Variants in DNAH3 observed in about 807,000 individuals in gnomAD.
DNAH3 encodes axonemal beta dynein heavy chain 3.
In DNAH3, 332 loss-of-function variants were observed where a neutral mutation model predicts 432.5. That is an observed-to-expected ratio of 0.77 (90% confidence interval 0.70 to 0.84). The LOEUF (loss-of-function observed/expected upper bound fraction) is 0.84. DNAH3 is among the 40% of genes least tolerant of loss of function. DNAH3 has a pLI of 0.00. For synonymous variants in DNAH3, 1,956 were observed against 1,900.2 expected (o/e 1.03, Z -0.76); for missense variants, 4,861 against 5,114.0 (o/e 0.95, Z 1.51).
At chr16:20,995,151 G>A (rs1463330370) in intron 44 of DNAH3, among the ~76,000 whole-genome samples, 3 of 152,248 alleles carry the variant, frequency 2.0e-5, no homozygotes, top group Non-Finnish European at 2.9e-5. Flanking sequence ...TCGCCAAGTT[G>A]CCCAGGCTGG....
chr16:21,146,229 C>T, intron 1 of DNAH3, 141 bp from the exon 3 acceptor site: 2 of 603,222 alleles, frequency 3.3e-6, no homozygotes, highest in East Asian at 2.8e-5. Context: ...CCTCTCATTC[C>T]CATCCATTAT....
chr16:20,984,161 ATGTG>A lies in DNAH3; in HGVS notation c.7665+912_7665+915del, dbSNP rs61445558. On this transcript the variant is annotated intron_variant, in intron 48 of 61. Transcript: ENST00000261383. ...GTTAGTAATTTTGGTCCTTATCCCA[ATGTG>A]TGTGTGTGTGTGTGTATATGTGTGC... Among the ~76,000 whole-genome samples, 381 of 150,716 alleles carry A rather than the reference ATGTG, an allele frequency of 2.5e-3. 2 individuals are homozygous for A. Among genetic ancestry groups the A allele is most frequent in the African/African-American group, 8.5e-3 (351 of 41,098 alleles).
chr16:21,073,529 TCTCA>T (rs71379606), intron 21 of DNAH3, among the ~76,000 whole-genome samples: 33,186 of 151,798 alleles, frequency 0.22, 3,820 homozygotes, highest in East Asian at 0.46. Context: ...TTCTGTTGGG[TCTCA>T]GAACATGATA....
intron 18 of DNAH3, among the ~76,000 whole-genome samples, chr16:21,094,935 C>T (rs1406044697): frequency 6.6e-6 from 1 of 152,172 alleles, no homozygotes; most frequent in Admixed American, 6.5e-5. Context: ...AGTGCCTTTG[C>T]TCCTCCTTCA....
chr16:21,084,850 G>C (rs992266455), intron 19 of DNAH3, among the ~76,000 whole-genome samples: 1 of 152,026 alleles, frequency 6.6e-6, no homozygotes, highest in Non-Finnish European at 1.5e-5. Context: ...TGGCTTTCCC[G>C]GCCCCGCGGC....
Position 21,019,913 on chromosome 16 carries a change from C to T in DNAH3, c.5777-44G>A, listed in dbSNP as rs2088071946. 9 of 1,601,560 alleles carry T rather than the reference C, an allele frequency of 5.6e-6. No individual in the cohort carries two copies. In the East Asian group the frequency reaches 2.0e-4, roughly 36 times the overall value. On this transcript the variant is annotated intron_variant, in intron 40 of 61. Transcript: ENST00000261383. ...AATCTCAGGACAGAGTGCAGAATGC[C>T]ACAGATGTAAGGGCTGTGAACTGGT...
chr16:20,948,668 G>T (rs1443757997), intron 56 of DNAH3, 31 bp from the exon 57 acceptor site: 1 of 1,612,728 alleles, frequency 6.2e-7, no homozygotes, highest in Non-Finnish European at 8.5e-7. Flanking sequence ...GAGAGGTTGA[G>T]CCCAGGGAAG....
intron 51 of DNAH3, among the ~76,000 whole-genome samples, chr16:20,972,739 A>ATTTTTTTTTTTTTTT (rs34245316): frequency 4.2e-5 from 4 of 95,978 alleles, no homozygotes; most frequent in African/African-American, 4.6e-5. Flanking sequence ...ATGCCCCGTG[A>ATTTTTTTTTTTTTTT]TTTTTTTTTT....
At chr16:21,158,980 A>G (rs2092926969) in intron 1 of DNAH3, among the ~76,000 whole-genome samples, 1 of 149,558 alleles carries the variant, frequency 6.7e-6, no homozygotes. Context: ...CCCTAAATGC[A>G]CACTCACCCC....
intron 16 of DNAH3, 21 bp downstream of exon 16, chr16:21,104,450 A>G (rs1166241088): frequency 6.2e-7 from 1 of 1,609,148 alleles, no homozygotes; most frequent in East Asian, 2.2e-5. Context: ...TTTCCAAGAC[A>G]ATCCCAGACT....
At chr16:21,036,486 C>A (rs2089175586) in intron 35 of DNAH3, among the ~76,000 whole-genome samples, 1 of 151,948 alleles carries the variant, frequency 6.6e-6, no homozygotes, top group Non-Finnish European at 1.5e-5. Flanking sequence ...ATGATCATAG[C>A]CCACTGCAGC....
chr16:21,122,103 G>C (rs778856969), exon 10 of DNAH3: 2 of 1,611,916 alleles, frequency 1.2e-6, no homozygotes, highest in South Asian at 1.1e-5. Flanking sequence ...TCTTGGTAGG[G>C]CTCCTTAAAA....
exon 56 of DNAH3, chr16:20,952,524 G>C (rs761281498): frequency 6.2e-7 from 1 of 1,612,006 alleles, no homozygotes; most frequent in Non-Finnish European, 8.5e-7. Context: ...GGTCAGATTC[G>C]TTGAATTCAT....
At chr16:21,045,759 G>T (rs1241533521) in intron 31 of DNAH3, among the ~76,000 whole-genome samples, 2 of 151,666 alleles carry the variant, frequency 1.3e-5, no homozygotes, top group East Asian at 3.9e-4. Flanking sequence ...TCTTTTAATT[G>T]TGAAGTTAGG....
At position 21,054,259 on chromosome 16, in the gene DNAH3, G is replaced by A. The variant is rs553042575; in HGVS notation, c.4039+161C>T. Among the ~76,000 whole-genome samples the A allele has an allele frequency of 1.1e-4, 16 of 152,286 alleles. No homozygotes were observed. In the South Asian group the frequency reaches 3.3e-3, roughly 32 times the overall value. Reference sequence around the variant, plus strand: ...ATGGGAGAGGAAACACAGGTGGAGGGATGCAGAGCCCTTTGGCTCTCATCT... The same window carrying A: ...ATGGGAGAGGAAACACAGGTGGAGGAATGCAGAGCCCTTTGGCTCTCATCT... On this transcript the variant is annotated intron_variant, in intron 28 of 61. Coordinates refer to ENST00000261383, the Ensembl canonical transcript of DNAH3.
intron 50 of DNAH3, among the ~76,000 whole-genome samples, chr16:20,976,961 T>G (rs976701981): frequency 4.6e-5 from 7 of 152,240 alleles, no homozygotes; most frequent in African/African-American, 1.7e-4. Flanking sequence ...CCAAGCTGAC[T>G]AAGACAAACA....
chr16:21,039,048 T>A (rs568814804), intron 33 of DNAH3, among the ~76,000 whole-genome samples: 1 of 152,030 alleles, frequency 6.6e-6, no homozygotes, highest in East Asian at 1.9e-4. Flanking sequence ...TATGTGTGTA[T>A]ACACACGTAC....
Position 20,987,674 on chromosome 16 carries a change from T to C in DNAH3, c.6882+19A>G. The C allele has an allele frequency of 1.2e-6, 2 of 1,610,890 alleles. No individual in the cohort carries two copies. Among genetic ancestry groups the C allele is most frequent in the Non-Finnish European group, 1.7e-6 (2 of 1,177,394 alleles). On this transcript the variant is annotated intron_variant, in intron 46 of 61. Transcript: ENST00000261383. The stretch of plus-strand genomic sequence containing the variant: ...AGGATATGCTGAATGATCTTGGTAG[T>C]AAAATGATAGTGGCTGACCTGCAGG...
intron 18 of DNAH3, among the ~76,000 whole-genome samples, chr16:21,093,081 G>A (rs981920697): frequency 6.6e-6 from 1 of 152,182 alleles, no homozygotes; most frequent in East Asian, 1.9e-4. Flanking sequence ...GCCAACAACA[G>A]ATACCACTAC....
Sources: gnomAD v4.1 joint callset for allele counts (sites outside exome capture counted in the v4.1 genomes callset) on GRCh38, gnomAD v4.1.1 for gene constraint, MANE v1.5 for transcripts, NCBI Gene and HGNC (gene_info 2026-07-23, HGNC 2026-07-21) for gene names.